PPP6C: variants seen among roughly 807,000 people sequenced by gnomAD.
PPP6C encodes serine/threonine-protein phosphatase 6 catalytic subunit.
Under a neutral mutation model 39.8 loss-of-function variants are expected in PPP6C, and 11 were observed. The ratio of observed to expected loss-of-function variants is 0.28; its 90% confidence interval spans 0.17 to 0.46. The LOEUF (loss-of-function observed/expected upper bound fraction) is 0.46, where lower values mean the gene tolerates loss of function less well. Ranked by LOEUF, PPP6C falls within the 20% of genes least tolerant of loss-of-function variation. The pLI is 1.00. For synonymous variants in PPP6C, 129 were observed against 130.3 expected (o/e 0.99, Z 0.07); for missense variants, 211 against 373.9 (o/e 0.56, Z 3.59).
intron 1 of PPP6C, among the ~76,000 whole-genome samples, chr9:125,182,962 G>C (rs1423695052): frequency 6.6e-6 from 1 of 152,028 alleles, no homozygotes; most frequent in Non-Finnish European, 1.5e-5. Flanking sequence ...AGTAACATAA[G>C]TATCCAAGAG....
chr9:125,171,179 C>T lies in PPP6C; in HGVS notation c.77G>A (p.Arg26Gln), dbSNP rs771181039. 6.4e-6 allele frequency: 10 copies of T among 1,565,320 alleles called. No individual in the cohort carries two copies. Among genetic ancestry groups the T allele is most frequent in the South Asian group, 2.3e-5 (2 of 85,850 alleles). ...CKYLPENDLK[R>Q]LCDYVCDLLL... ...GAGGTCACAAACGTAGTCACATAGC[C>T]GCTATAAAAAGAGAAAATAAAAGGT... The change falls in exon 2 of 7, where the codon CGG (arginine) becomes CAG (glutamine). Residue 26 changes from arginine (R) to glutamine (Q), a missense_variant and splice_region_variant. This residue lies in a region of PPP6C where 168 missense variants were observed against 342.6 expected (regional missense o/e 0.49). Coordinates refer to ENST00000373547, the MANE Select transcript of PPP6C (RefSeq NM_002721.5).
rs568844815 is a variant in PPP6C, at chr9:125,177,131, T to C, written c.76-5951A>G. On this transcript the variant is annotated intron_variant, in intron 1 of 6. Transcript: ENST00000373547. ...GGCTCACGCCTGTAATCCCAGCACT[T>C]TGGGGGGTCGAGGCAGGCGGATCAC... Among the ~76,000 whole-genome samples, 14 of 152,104 alleles carry C rather than the reference T, an allele frequency of 9.2e-5. 1 individual carries two copies. The South Asian group carries it at 2.9e-3, about 32-fold the overall frequency.
At chr9:125,150,697 A>G in intron 6 of PPP6C, 1 of 896,806 alleles carries the variant, frequency 1.1e-6, no homozygotes, top group Non-Finnish European at 1.7e-6. Flanking sequence ...GGCTTATCTC[A>G]GAAAACTGCC....
At chr9:125,171,295 G>C in intron 1 of PPP6C, 115 bp from the exon 2 acceptor site, 1 of 717,256 alleles carries the variant, frequency 1.4e-6, no homozygotes, top group Non-Finnish European at 2.1e-6. Context: ...TATACTTTTT[G>C]ATAGGAAAGT....
chr9:125,178,509 C>G (rs1449136472), intron 1 of PPP6C, among the ~76,000 whole-genome samples: 1 of 151,986 alleles, frequency 6.6e-6, no homozygotes, highest in Non-Finnish European at 1.5e-5. Context: ...TTTATTATAT[C>G]TTACTAATAT....
At chr9:125,171,478 C>CACACATATAT (rs1171157245) in intron 1 of PPP6C, among the ~76,000 whole-genome samples, 96 of 83,448 alleles carry the variant, frequency 1.2e-3, no homozygotes, top group African/African-American at 2.7e-3. Flanking sequence ...CACACACACA[C>CACACATATAT]ATATATATAT....
chr9:125,171,282 A>T (rs1029411164), intron 1 of PPP6C, 102 bp from the exon 2 acceptor site: 9 of 869,998 alleles, frequency 1.0e-5, no homozygotes, highest in Non-Finnish European at 5.1e-6. Flanking sequence ...TACAAAACCC[A>T]AGTATACTTT....
chr9:125,168,557 C>T (rs772102336), intron 2 of PPP6C, among the ~76,000 whole-genome samples: 7 of 152,056 alleles, frequency 4.6e-5, no homozygotes, highest in Admixed American at 4.6e-4. Context: ...CTCCCAGGTT[C>T]AAGCAATTCT....
At chr9:125,175,347 T>G (rs749901511) in intron 1 of PPP6C, among the ~76,000 whole-genome samples, 1 of 151,032 alleles carries the variant, frequency 6.6e-6, no homozygotes, top group East Asian at 2.0e-4. Flanking sequence ...CATTAGAAAT[T>G]ACCTACGCCG....
chr9:125,179,545 C>T (rs1245809730), intron 1 of PPP6C, among the ~76,000 whole-genome samples: 1 of 152,118 alleles, frequency 6.6e-6, no homozygotes, highest in East Asian at 1.9e-4. Context: ...GCTACCTAGG[C>T]ATGCTCCCTC....
chr9:125,171,701 GTGCCACCACACCCGGCTAAT>G, intron 1 of PPP6C, among the ~76,000 whole-genome samples: 1 of 151,208 alleles, frequency 6.6e-6, no homozygotes. Context: ...TTACAGGCAT[GTGCCACCACACCCGGCTAAT>G]TTTTGTATTT....
At chr9:125,150,018 G>C in intron 6 of PPP6C, 97 bp from the exon 7 acceptor site, 39 of 1,415,216 alleles carry the variant, frequency 2.8e-5, no homozygotes, top group Non-Finnish European at 3.6e-5. Context: ...TACTACTAAA[G>C]GCATCAAGAT....
rs1836010608 is a variant in PPP6C, at chr9:125,153,984, A to G, written c.381T>C (p.Asp127=). 2 of 1,601,704 alleles carry G rather than the reference A, an allele frequency of 1.2e-6. No individual in the cohort carries two copies. The highest frequency in any genetic ancestry group is 1.7e-6 in the Non-Finnish European group (2 of 1,169,532). ...CATTTCCATATTTGGTTTGGCACTC[A>G]TCTGTGAAAGAAACAGAAGGGTTTT... The part of the protein sequence containing the change: ...RQITQVYGFY[D]ECQTKYGNAN... Residue 127 remains aspartate, a splice_region_variant and synonymous_variant, in exon 5 of 7, where the codon GAT becomes GAC. Transcript: ENST00000373547.
chr9:125,151,764 C>T (rs1835952473), intron 6 of PPP6C, among the ~76,000 whole-genome samples: 1 of 152,212 alleles, frequency 6.6e-6, no homozygotes, highest in Admixed American at 6.5e-5. Flanking sequence ...TTGAGATTAA[C>T]TGCTGGGACT....
chr9:125,167,509 C>T (rs1224787611), intron 2 of PPP6C, among the ~76,000 whole-genome samples: 1 of 149,140 alleles, frequency 6.7e-6, no homozygotes, highest in Non-Finnish European at 1.5e-5. Flanking sequence ...CAAGACCAGC[C>T]TCAGCAACAT....
intron 6 of PPP6C, among the ~76,000 whole-genome samples, chr9:125,152,701 A>G (rs1215812897): frequency 6.6e-6 from 1 of 151,800 alleles, no homozygotes; most frequent in African/African-American, 2.4e-5. Flanking sequence ...GTGGTGGTGT[A>G]CACCTGTAAT....
chr9:125,173,743 G>A lies in PPP6C; in HGVS notation c.76-2563C>T, dbSNP rs1025269271. ...AGCCATTCTCCTGCCTCAGCCTCCC[G>A]AGTAGCTGGGATTACAGGCATGAGT... On this transcript the variant is annotated intron_variant, in intron 1 of 6. Transcript: ENST00000373547. Among the ~76,000 whole-genome samples the A allele has an allele frequency of 2.0e-5, 3 of 151,770 alleles. No individual in the cohort carries two copies. The South Asian group carries it at 6.2e-4, about 32-fold the overall frequency.
chr9:125,151,196 T>A (rs1835931650), intron 6 of PPP6C: 9 of 1,499,138 alleles, frequency 6.0e-6, no homozygotes, highest in Non-Finnish European at 8.4e-6. Context: ...GCAGACAGGC[T>A]GAATGTGGAC....
chr9:125,171,486 T>A (rs369786953), intron 1 of PPP6C, among the ~76,000 whole-genome samples: 1 of 71,872 alleles, frequency 1.4e-5, no homozygotes, highest in African/African-American at 7.3e-5. Context: ...CACATATATA[T>A]ATATATATAT....
Sources: gnomAD v4.1 joint callset for allele counts (sites outside exome capture counted in the v4.1 genomes callset) on GRCh38, gnomAD v4.1.1 for gene constraint, gnomAD v4.1.1 regional missense constraint, MANE v1.5 for transcripts, NCBI Gene and HGNC (gene_info 2026-07-23, HGNC 2026-07-21) for gene names.